Variants in TRAPPC9 observed in about 807,000 individuals in gnomAD.
TRAPPC9 encodes the protein IKK2 binding protein.
Under a neutral mutation model 124.0 loss-of-function variants are expected in TRAPPC9, and 83 were observed. That is an observed-to-expected ratio of 0.67 (90% CI 0.56 to 0.80). The LOEUF is 0.80. TRAPPC9 is among the 30% of genes least tolerant of loss of function. TRAPPC9 has a pLI of 0.00. For missense variants in TRAPPC9, 1,302 were observed against 1,508.3 expected (o/e 0.86, Z 2.27); for synonymous variants, 638 against 617.5 (o/e 1.03, Z -0.49).
chr8:140,412,892 G>A (rs2069757752), intron 5 of TRAPPC9, among the ~76,000 whole-genome samples: 1 of 152,052 alleles, frequency 6.6e-6, no homozygotes. Flanking sequence ...AAATGGGGAA[G>A]ATAAATTACA....
chr8:139,816,370 C>A (rs1240831764), intron 21 of TRAPPC9, among the ~76,000 whole-genome samples: 1 of 152,202 alleles, frequency 6.6e-6, no homozygotes, highest in East Asian at 1.9e-4. Context: ...GTCAATCTGT[C>A]CCCAGAACGT....
At chr8:140,103,768 T>A (rs990328590) in intron 17 of TRAPPC9, among the ~76,000 whole-genome samples, 5 of 152,176 alleles carry the variant, frequency 3.3e-5, no homozygotes, top group African/African-American at 1.2e-4. Flanking sequence ...CACACGACTA[T>A]TCTTTTTACA....
At chr8:140,446,723 T>A (rs1164953541) in intron 2 of TRAPPC9, among the ~76,000 whole-genome samples, 1 of 152,126 alleles carries the variant, frequency 6.6e-6, no homozygotes, top group Non-Finnish European at 1.5e-5. Context: ...CCCGGCTAAC[T>A]TTTTTATTTT....
chr8:140,371,726 C>T (rs1055689348), intron 7 of TRAPPC9, among the ~76,000 whole-genome samples: 20 of 151,640 alleles, frequency 1.3e-4, no homozygotes, highest in Admixed American at 1.1e-3. Flanking sequence ...TTTTTTGAGA[C>T]GGAGTCTCAC....
intron 12 of TRAPPC9, among the ~76,000 whole-genome samples, chr8:140,290,297 T>C (rs2065611824): frequency 6.6e-6 from 1 of 152,166 alleles, no homozygotes; most frequent in African/African-American, 2.4e-5. Flanking sequence ...AGCACCCTCC[T>C]TTGCGTGCTG....
At chr8:139,992,701 T>C (rs1837720650) in intron 18 of TRAPPC9, among the ~76,000 whole-genome samples, 1 of 149,746 alleles carries the variant, frequency 6.7e-6, no homozygotes, top group Non-Finnish European at 1.5e-5. Flanking sequence ...ACAGAGGCAC[T>C]TGGGGCAGTG....
chr8:139,848,111 G>A (rs1827216508), intron 21 of TRAPPC9, among the ~76,000 whole-genome samples: 2 of 152,218 alleles, frequency 1.3e-5, no homozygotes, highest in South Asian at 4.1e-4. Flanking sequence ...GCATTGTAGG[G>A]AGAAGGGAAG....
chr8:139,921,195 G>A (rs550636513), intron 19 of TRAPPC9, among the ~76,000 whole-genome samples: 2 of 152,282 alleles, frequency 1.3e-5, no homozygotes, highest in South Asian at 4.2e-4. Flanking sequence ...ACCATACCAC[G>A]CGACTCCTCC....
intron 17 of TRAPPC9, among the ~76,000 whole-genome samples, chr8:140,091,236 C>T (rs534232268): frequency 2.0e-5 from 3 of 152,270 alleles, no homozygotes; most frequent in Non-Finnish European, 4.4e-5. Context: ...TCATCCTGCA[C>T]CCCCTGAGAT....
chr8:139,778,328 AT>A (rs1184233026), intron 21 of TRAPPC9, among the ~76,000 whole-genome samples: 1 of 152,252 alleles, frequency 6.6e-6, no homozygotes, highest in Non-Finnish European at 1.5e-5. Context: ...TTTCTGAGTA[AT>A]TTAACTGTAT....
chr8:140,458,519 G>A (rs1446002001), upstream of TRAPPC9: 16 of 1,583,312 alleles, frequency 1.0e-5, no homozygotes, highest in Non-Finnish European at 1.3e-5. Context: ...GCCTGGGCCG[G>A]CTTCCCCCTG....
At chr8:139,948,147 G>A (rs193195503) in intron 19 of TRAPPC9, among the ~76,000 whole-genome samples, 15 of 151,508 alleles carry the variant, frequency 9.9e-5, no homozygotes, top group East Asian at 7.8e-4. Flanking sequence ...TCTTTCATCC[G>A]GGAACTACGT....
At chr8:140,088,012 C>A (rs1164244893) in intron 17 of TRAPPC9, among the ~76,000 whole-genome samples, 1 of 151,894 alleles carries the variant, frequency 6.6e-6, no homozygotes, top group Admixed American at 6.6e-5. Flanking sequence ...CTTTAGATGG[C>A]TATCTCTTTC....
At chr8:140,453,761 A>G (rs2071552367) in intron 1 of TRAPPC9, among the ~76,000 whole-genome samples, 1 of 152,152 alleles carries the variant, frequency 6.6e-6, no homozygotes, top group African/African-American at 2.4e-5. Flanking sequence ...TTCCCTAAAG[A>G]GTCTTTTCTG....
intron 19 of TRAPPC9, among the ~76,000 whole-genome samples, chr8:139,979,257 C>A (rs1836715741): frequency 6.6e-6 from 1 of 152,110 alleles, no homozygotes; most frequent in South Asian, 2.1e-4. Flanking sequence ...GTGGTGAGAG[C>A]CTGGGAGTGA....
intron 19 of TRAPPC9, among the ~76,000 whole-genome samples, chr8:139,962,425 T>TTCTTTTTTTCATTCACAAGTTGTATG (rs1835409937): frequency 8.0e-6 from 1 of 125,244 alleles, no homozygotes; most frequent in African/African-American, 2.5e-5. Flanking sequence ...AAGTTGTATG[T>TTCTTTTTTTCATTCACAAGTTGTATG]TCTCTTTTTT....
At chr8:140,049,474 C>A (rs758992046) in intron 17 of TRAPPC9, among the ~76,000 whole-genome samples, 3 of 152,004 alleles carry the variant, frequency 2.0e-5, no homozygotes, top group Non-Finnish European at 2.9e-5. Flanking sequence ...GTGGACACTG[C>A]GGGAAGAGCC....
intron 17 of TRAPPC9, among the ~76,000 whole-genome samples, chr8:140,200,777 C>T (rs1007743699): frequency 7.9e-5 from 12 of 152,128 alleles, no homozygotes; most frequent in African/African-American, 2.9e-4. Context: ...AGGACAGGAG[C>T]GGATACATGA....
chr8:139,868,779 A>C (rs1449912065), intron 21 of TRAPPC9, among the ~76,000 whole-genome samples: 1 of 152,232 alleles, frequency 6.6e-6, no homozygotes, highest in Admixed American at 6.5e-5. Context: ...GACAGTTCTA[A>C]GCTCTGAGAA....
Sources: gnomAD v4.1 joint callset for allele counts (sites outside exome capture counted in the v4.1 genomes callset) on GRCh38, gnomAD v4.1.1 for gene constraint, MANE v1.5 for transcripts, NCBI Gene and HGNC (gene_info 2026-07-23, HGNC 2026-07-21) for gene names.